METTL9: variants seen among roughly 807,000 people sequenced by gnomAD.
METTL9 encodes the protein protein-L-histidine N-pros-methyltransferase.
METTL9 carries 10 observed loss-of-function variants against 36.0 expected under a neutral mutation model. The observed-to-expected ratio is 0.28, with a 90% CI of 0.17 to 0.47. The LOEUF (loss-of-function observed/expected upper bound fraction) is 0.47, where lower values mean the gene tolerates loss of function less well. Ranked by LOEUF, METTL9 falls within the 20% of genes least tolerant of loss-of-function variation. The pLI is 0.99. For synonymous variants in METTL9, 175 were observed against 149.7 expected, an observed-to-expected ratio of 1.17 and a Z score of -1.23; for missense variants, 246 against 383.5, an observed-to-expected ratio of 0.64 and a Z score of 3.00.
In METTL9 at chr16:21,620,008, T is replaced by C. The variant is rs996797566; in HGVS notation, c.566+1934T>C. On this transcript the variant is annotated intron_variant, in intron 3 of 4. Coordinates refer to ENST00000358154, the MANE Select transcript of METTL9 (RefSeq NM_016025.5). ...TTGAGCATTTGCAAAACATGGAGATTTTTAGCCTGGAGAAGGGAAGATTTC... is the reference window on the plus strand; with the variant it reads ...TTGAGCATTTGCAAAACATGGAGATCTTTAGCCTGGAGAAGGGAAGATTTC... Among the ~76,000 whole-genome samples, 3 of 152,148 alleles carry C rather than the reference T, an allele frequency of 2.0e-5. No individual in the cohort carries two copies. In the South Asian group the frequency reaches 6.2e-4, roughly 32 times the overall value.
chr16:21,635,606 C>T (rs1966072084), intron 4 of METTL9, among the ~76,000 whole-genome samples: 1 of 152,100 alleles, frequency 6.6e-6, no homozygotes, highest in African/African-American at 2.4e-5. Context: ...CCTCAGGTGG[C>T]CATTTTTCCC....
At chr16:21,611,440 T>C (rs1965422069) in intron 1 of METTL9, among the ~76,000 whole-genome samples, 1 of 152,196 alleles carries the variant, frequency 6.6e-6, no homozygotes, top group Admixed American at 6.5e-5. Context: ...GGAAGCAAAT[T>C]ACTCTTGGCC....
intron 4 of METTL9, among the ~76,000 whole-genome samples, chr16:21,651,048 G>C (rs1037838844): frequency 6.6e-5 from 10 of 151,962 alleles, no homozygotes; most frequent in Admixed American, 6.5e-5. Flanking sequence ...ACGGTGAAAC[G>C]CTGTCTCTAC....
intron 4 of METTL9, among the ~76,000 whole-genome samples, chr16:21,637,059 C>G (rs1216897136): frequency 6.6e-6 from 1 of 152,114 alleles, no homozygotes; most frequent in Non-Finnish European, 1.5e-5. Flanking sequence ...AAAGAGTGAG[C>G]AGCAGCAAGA....
intron 4 of METTL9, chr16:21,653,119 A>C (rs1418231946): frequency 6.6e-6 from 1 of 152,284 alleles, no homozygotes; most frequent in East Asian, 1.9e-4. Flanking sequence ...TTGAATCCAA[A>C]GACACCTGCC....
At chr16:21,620,020 G>A (rs1050344052) in intron 3 of METTL9, among the ~76,000 whole-genome samples, 2 of 152,186 alleles carry the variant, frequency 1.3e-5, no homozygotes, top group African/African-American at 4.8e-5. Context: ...TTAGCCTGGA[G>A]AAGGGAAGAT....
intron 3 of METTL9, among the ~76,000 whole-genome samples, chr16:21,619,888 T>C (rs1174849545): frequency 6.6e-6 from 1 of 152,110 alleles, no homozygotes; most frequent in Non-Finnish European, 1.5e-5. Flanking sequence ...GGAGAAGAAA[T>C]TATGTAATCA....
intron 1 of METTL9, among the ~76,000 whole-genome samples, chr16:21,603,665 G>A (rs1965198968): frequency 6.6e-6 from 1 of 152,114 alleles, no homozygotes; most frequent in African/African-American, 2.4e-5. Context: ...AACTTTGAAA[G>A]GACCCTTAGG....
At chr16:21,631,177 T>C (rs1965951706) in intron 4 of METTL9, among the ~76,000 whole-genome samples, 1 of 152,206 alleles carries the variant, frequency 6.6e-6, no homozygotes, top group South Asian at 2.1e-4. Flanking sequence ...GCTATTCCGG[T>C]TCCTGTAGCA....
At chr16:21,654,840 T>C (rs1966667807) in intron 4 of METTL9, 1 of 183,316 alleles carries the variant, frequency 5.5e-6, no homozygotes, top group Non-Finnish European at 1.2e-5. Context: ...TACATGTTGC[T>C]CTCTGTTTCA....
Position 21,655,578 on chromosome 16 carries a change from A to T in METTL9, c.*146A>T. 1 of 687,270 alleles carries T rather than the reference A, an allele frequency of 1.5e-6. No individual in the cohort carries two copies. Among genetic ancestry groups the T allele is most frequent in the Non-Finnish European group, 2.4e-6 (1 of 412,950 alleles). The allele number at this position is 687,270 out of a possible 1,614,324, so 42.6% of individuals were successfully genotyped here. On this transcript the variant is annotated 3_prime_UTR_variant, in exon 5 of 5. Transcript: ENST00000358154. The stretch of plus-strand genomic sequence containing the variant: ...AGGAATTTAAAAAGCCAAAATACTA[A>T]TTATTTCTTTGTAGTGTGTAAAGGA...
intron 3 of METTL9, among the ~76,000 whole-genome samples, chr16:21,621,953 C>T (rs1473609692): frequency 1.3e-5 from 2 of 150,766 alleles, no homozygotes; most frequent in Non-Finnish European, 1.5e-5. Context: ...TGTGCAGCCT[C>T]CGCCTCAGCC....
intron 2 of METTL9, among the ~76,000 whole-genome samples, chr16:21,613,610 A>G (rs1965486229): frequency 6.6e-6 from 1 of 152,132 alleles, no homozygotes; most frequent in Non-Finnish European, 1.5e-5. Context: ...GCTGAAAAGT[A>G]AGATCTTTGC....
intron 4 of METTL9, chr16:21,652,570 G>A (rs1966606420): frequency 1.2e-6 from 2 of 1,610,994 alleles, no homozygotes; most frequent in Non-Finnish European, 1.7e-6. Context: ...CAGATGGCGA[G>A]CGATGTTGCT....
intron 3 of METTL9, among the ~76,000 whole-genome samples, chr16:21,621,776 A>T (rs1447509098): frequency 6.6e-6 from 1 of 152,138 alleles, no homozygotes; most frequent in Non-Finnish European, 1.5e-5. Context: ...AGTTTTCTTT[A>T]TATTGTTAGT....
At chr16:21,621,762 A>G (rs914326507) in intron 3 of METTL9, among the ~76,000 whole-genome samples, 1 of 152,320 alleles carries the variant, frequency 6.6e-6, no homozygotes, top group Middle Eastern at 3.4e-3. Context: ...TTTTACAGCA[A>G]GACAGTTTTC....
At position 21,599,915 on chromosome 16, in the gene METTL9, G is replaced by T. The variant is rs1055398771; in HGVS notation, c.165+17G>T. ...AACCACCAGGTACGGGCTGGGGCCG[G>T]GGCCGGGGCGGGGGCGTGGCGGCCC... On this transcript the variant is annotated intron_variant, in intron 1 of 4. Transcript: ENST00000358154. This position sits in a 1 kb window ranked among gnomAD's most constrained non-coding sequence, Gnocchi z 4.4. 3.7e-5 allele frequency: 51 copies of T among 1,363,458 alleles called. No homozygotes were observed. The highest frequency in any genetic ancestry group is 4.8e-5 in the Non-Finnish European group (51 of 1,062,024). The allele number at this position is 1,363,458 out of a possible 1,614,324, so 84.5% of individuals were successfully genotyped here.
chr16:21,654,939 C>T (rs1245169876), intron 4 of METTL9: 4 of 413,194 alleles, frequency 9.7e-6, no homozygotes, highest in Non-Finnish European at 1.8e-5. Flanking sequence ...CCAAAACTGT[C>T]AGAGAAGATA....
At chr16:21,630,430 G>A (rs1010928988) in intron 4 of METTL9, among the ~76,000 whole-genome samples, 2 of 152,214 alleles carry the variant, frequency 1.3e-5, no homozygotes, top group African/African-American at 2.4e-5. Context: ...AGGGCTCCTC[G>A]AGCACAGCCA....
Sources: gnomAD v4.1 joint callset for allele counts (sites outside exome capture counted in the v4.1 genomes callset) on GRCh38, gnomAD v4.1.1 for gene constraint, Gnocchi (gnomAD v3.1) non-coding constraint, MANE v1.5 for transcripts, NCBI Gene and HGNC (gene_info 2026-07-23, HGNC 2026-07-21) for gene names.